The following SLIT3 variants were observed in gnomAD, a reference collection of about 807,000 sequenced individuals.
SLIT3 encodes slit guidance ligand 3.
In SLIT3, 68 loss-of-function variants were observed where a neutral mutation model predicts 184.0. That is an observed-to-expected ratio of 0.37 (90% confidence interval 0.30 to 0.45). The LOEUF is 0.45. Ranked by LOEUF, SLIT3 falls within the 20% of genes least tolerant of loss-of-function variation. The probability of loss-of-function intolerance (pLI) is 1.00; values close to 1 mark genes in which losing one functional copy is unlikely to be tolerated. For missense variants in SLIT3, 1,707 were observed against 2,026.0 expected, an observed-to-expected ratio of 0.84 and a Z score of 3.02; for synonymous variants, 831 against 828.6, an observed-to-expected ratio of 1.00 and a Z score of -0.05.
chr5:168,804,770 A>G (rs1204844150), intron 9 of SLIT3, among the ~76,000 whole-genome samples: 1 of 152,166 alleles, frequency 6.6e-6, no homozygotes, highest in Non-Finnish European at 1.5e-5. Flanking sequence ...CGAAGTCTCC[A>G]CTCCACTGTG....
At chr5:169,272,243 C>A (rs993394245) in intron 1 of SLIT3, among the ~76,000 whole-genome samples, 3 of 152,228 alleles carry the variant, frequency 2.0e-5, no homozygotes, top group Admixed American at 6.5e-5. Flanking sequence ...TCCACCCTGA[C>A]CCACAATCCC....
intron 4 of SLIT3, among the ~76,000 whole-genome samples, chr5:169,162,533 G>A (rs1343768902): frequency 6.6e-6 from 1 of 152,202 alleles, no homozygotes; most frequent in African/African-American, 2.4e-5. Flanking sequence ...AGAAATGTGA[G>A]CTTCCTGCCC....
chr5:169,183,310 G>A (rs1316192591), intron 4 of SLIT3, among the ~76,000 whole-genome samples: 1 of 152,208 alleles, frequency 6.6e-6, no homozygotes, highest in Non-Finnish European at 1.5e-5. Context: ...AGTAAAGAGA[G>A]TACACTGATG....
At chr5:169,095,590 C>A (rs932462997) in intron 4 of SLIT3, among the ~76,000 whole-genome samples, 2 of 152,194 alleles carry the variant, frequency 1.3e-5, no homozygotes, top group African/African-American at 4.8e-5. Flanking sequence ...TTCCCACCTG[C>A]CATCTCTCTC....
chr5:168,806,635 G>A, intron 8 of SLIT3, 48 bp from the exon 9 acceptor site: 2 of 1,607,648 alleles, frequency 1.2e-6, no homozygotes, highest in Non-Finnish European at 1.7e-6. Context: ...GTCAGGAGCT[G>A]CCTGGGCTTC....
intron 1 of SLIT3, among the ~76,000 whole-genome samples, chr5:169,278,535 T>C (rs1256073773): frequency 6.6e-6 from 1 of 152,200 alleles, no homozygotes; most frequent in African/African-American, 2.4e-5. Flanking sequence ...TGGCACACTG[T>C]GAGGTCTCAG....
intron 5 of SLIT3, among the ~76,000 whole-genome samples, chr5:168,871,493 CTT>C (rs1759516670): frequency 6.6e-6 from 1 of 151,870 alleles, no homozygotes; most frequent in Non-Finnish European, 1.5e-5. Flanking sequence ...GTTACACCCT[CTT>C]TTTCTCTGGC....
chr5:169,242,099 A>G (rs1294906964), intron 3 of SLIT3, among the ~76,000 whole-genome samples: 2 of 152,230 alleles, frequency 1.3e-5, no homozygotes, highest in East Asian at 3.8e-4. Context: ...CATATTATTA[A>G]TAGCAAATGT....
intron 4 of SLIT3, among the ~76,000 whole-genome samples, chr5:168,915,540 T>C (rs1761405235): frequency 1.3e-5 from 2 of 152,244 alleles, no homozygotes; most frequent in African/African-American, 4.8e-5. Context: ...AAACAGCTTA[T>C]ATATAAGCTA....
At chr5:168,925,024 A>G (rs1247758230) in intron 4 of SLIT3, among the ~76,000 whole-genome samples, 1 of 152,202 alleles carries the variant, frequency 6.6e-6, no homozygotes, top group Admixed American at 6.5e-5. Flanking sequence ...AGCACCTTCT[A>G]AGAGCCAGGA....
At chr5:169,229,932 T>C (rs1417220330) in intron 3 of SLIT3, among the ~76,000 whole-genome samples, 1 of 152,188 alleles carries the variant, frequency 6.6e-6, no homozygotes, top group Non-Finnish European at 1.5e-5. Flanking sequence ...ACAGCCATTC[T>C]TCTCAATGAA....
rs1272507175 is a variant in SLIT3, at chr5:168,669,899, T to C, written c.4220A>G (p.Asp1407Gly). 1.2e-6 allele frequency: 2 copies of C among 1,613,974 alleles called. No individual in the cohort carries two copies. Among genetic ancestry groups the C allele is most frequent in the Admixed American group, 3.3e-5 (2 of 59,990 alleles). ...YGGDLCDNKN[D>G]SANACSAFKC... ...GAAGGCTGAGCAGGCATTGGCAGAG[T>C]CATTCTTGTTGTCACACAAGTCCCC... The change falls in exon 35 of 36, where the codon GAC (aspartate) becomes GGC (glycine). Residue 1407 changes from aspartate to glycine, a missense_variant. Coordinates refer to ENST00000519560, the MANE Select transcript of SLIT3 (RefSeq NM_003062.4).
intron 6 of SLIT3, among the ~76,000 whole-genome samples, chr5:168,825,141 G>A (rs924300089): frequency 6.6e-6 from 1 of 152,130 alleles, no homozygotes; most frequent in African/African-American, 2.4e-5. Context: ...CTTAGCATGG[G>A]GTATGTGCTC....
intron 4 of SLIT3, among the ~76,000 whole-genome samples, chr5:169,077,915 CT>C (rs1310170378): frequency 6.6e-6 from 1 of 151,306 alleles, no homozygotes; most frequent in Non-Finnish European, 1.5e-5. Flanking sequence ...TTTAAGTTTC[CT>C]TTTTTAAGGC....
intron 4 of SLIT3, among the ~76,000 whole-genome samples, chr5:168,916,218 T>C (rs1383210738): frequency 2.0e-5 from 3 of 152,216 alleles, no homozygotes; most frequent in African/African-American, 7.2e-5. Context: ...AGGCTCTTTT[T>C]AGATGGAAAA....
At chr5:169,046,839 C>T (rs185065963) in intron 4 of SLIT3, among the ~76,000 whole-genome samples, 2 of 152,264 alleles carry the variant, frequency 1.3e-5, no homozygotes, top group East Asian at 3.9e-4. Flanking sequence ...TGCACCCTTC[C>T]CCAGCACCCC....
intron 2 of SLIT3, among the ~76,000 whole-genome samples, chr5:169,247,303 C>T (rs1173145908): frequency 1.3e-5 from 2 of 152,116 alleles, no homozygotes; most frequent in African/African-American, 2.4e-5. Flanking sequence ...CTAATAGTCT[C>T]ACACTAGCAC....
chr5:168,710,584 T>C (rs1762524537), intron 25 of SLIT3, among the ~76,000 whole-genome samples: 1 of 150,728 alleles, frequency 6.6e-6, no homozygotes, highest in Non-Finnish European at 1.5e-5. Context: ...TGCAACATAG[T>C]GAGACCTTGT....
At chr5:168,798,322 C>T (rs959288911) in intron 9 of SLIT3, among the ~76,000 whole-genome samples, 3 of 150,596 alleles carry the variant, frequency 2.0e-5, no homozygotes, top group Admixed American at 2.0e-4. Flanking sequence ...CGCCTGGGCT[C>T]AAGTGATCCT....
Sources: allele counts gnomAD v4.1 joint callset (sites outside exome capture counted in the v4.1 genomes callset), GRCh38; gene constraint gnomAD v4.1.1; transcripts MANE v1.5; gene names NCBI Gene and HGNC (gene_info 2026-07-23, HGNC 2026-07-21).